TTN: variants seen among roughly 807,000 people sequenced by gnomAD.
TTN encodes connectin.
Under a neutral mutation model 3,223.0 loss-of-function variants are expected in TTN, and 1,525 were observed. That is an observed-to-expected ratio of 0.47 (90% CI 0.45 to 0.49). TTN has a LOEUF of 0.49. Among genes scored for constraint, TTN ranks in the 20% least tolerant of loss-of-function variants. The pLI is 0.00. For synonymous variants in TTN, 14,094 were observed against 15,161.0 expected, an observed-to-expected ratio of 0.93 and a Z score of 5.17; for missense variants, 40,786 against 43,424.0, an observed-to-expected ratio of 0.94 and a Z score of 5.40.
Position 178,535,967 on chromosome 2 carries a change from T to C in TTN, c.100765+15A>G. 6.6e-7 allele frequency: 1 copy of C among 1,523,650 alleles called. No individual in the cohort carries two copies. Among genetic ancestry groups the C allele is most frequent in the South Asian group, 1.3e-5 (1 of 74,242 alleles). The allele number at this position is 1,523,650 out of a possible 1,614,324, so 94.4% of individuals were successfully genotyped here. ...TCATTTAGCCTCAACTTGATGATAA[T>C]TTATTTATTTTTACCTTCCACTTCC... On this transcript the variant is annotated intron_variant, in intron 357 of 362. Transcript: ENST00000589042.
chr2:178,693,629 C>T lies in TTN; in HGVS notation c.31574G>A (p.Arg10525Lys), dbSNP rs2073002014. 6.3e-7 allele frequency: 1 copy of T among 1,598,808 alleles called. No homozygotes were observed. The highest frequency in any genetic ancestry group is 8.5e-7 in the Non-Finnish European group (1 of 1,169,692). ...AATACCTTTAGGTGGTGGTTCAACCCTTTTGGAAATGGCAACGTGAATTTT... is the reference window on the plus strand; with the variant it reads ...AATACCTTTAGGTGGTGGTTCAACCTTTTTGGAAATGGCAACGTGAATTTT... ...EEKIHVAISK[R>K]VEPPPKVPEL... is the part of the protein sequence containing the mutation. Residue 10525 changes from arginine to lysine, a missense_variant, in exon 119 of 363, where the codon AGG (arginine) becomes AAG (lysine). By Grantham distance (26) the Arg-to-Lys change is conservative. Transcript: ENST00000589042.
In TTN at chr2:178,604,800, T is replaced by C; in HGVS notation, c.54289A>G (p.Ile18097Val). The C allele has an allele frequency of 1.9e-6, 3 of 1,612,498 alleles. No homozygotes were observed. Among genetic ancestry groups the C allele is most frequent in the Non-Finnish European group, 2.5e-6 (3 of 1,179,058 alleles). Residue 18097 changes from isoleucine to valine, a missense_variant, in exon 281 of 363, where the codon ATC (isoleucine) becomes GTC (valine). Physicochemically the swap from Ile to Val is conservative, Grantham distance 29 (BLOSUM62 3). Transcript: ENST00000589042. The part of the protein sequence containing the change: ...DAPLDNGGSE[I>V]THYVIDKRDA... ...CGTTTGTCAATAACATAATGGGTGA[T>C]TTCACTGCCACCATTATCAAGAGGG...
At chr2:178,682,093 A>G (rs1577350782) in intron 135 of TTN, among the ~76,000 whole-genome samples, 1 of 151,990 alleles carries the variant, frequency 6.6e-6, no homozygotes, top group Non-Finnish European at 1.5e-5. Flanking sequence ...GTGAAATAAG[A>G]TTGATTCATT....
At position 178,792,085 on chromosome 2, in the gene TTN, A is replaced by T; in HGVS notation, c.1649T>A (p.Val550Glu). ...AATCAGACTTACTGCTTCTTGAGTT[A>T]CTTGTTTCTGTTTCTTAGTAATTTC... is the stretch of plus-strand genomic sequence containing the variant. ...SEEITKKQKQ[V>E]TQEAIRQETE... The change falls in exon 10 of 363, where the codon GTA (valine) becomes GAA (glutamate). Residue 550 changes from valine (V) to glutamate (E), a missense_variant. Val to Glu is a moderately radical substitution (Grantham distance 121, BLOSUM62 -2). Coordinates refer to ENST00000589042, the MANE Select transcript of TTN (RefSeq NM_001267550.2). The T allele has an allele frequency of 1.2e-6, 2 of 1,612,452 alleles. No homozygotes were observed. Among genetic ancestry groups the T allele is most frequent in the Non-Finnish European group, 8.5e-7 (1 of 1,179,222 alleles).
intron 250 of TTN, chr2:178,619,058 G>C: frequency 1.5e-6 from 1 of 654,986 alleles, no homozygotes; most frequent in Non-Finnish European, 2.5e-6. Flanking sequence ...GAGAGTAGAG[G>C]ATTGAGAATG....
chr2:178,785,747 A>T lies in TTN; in HGVS notation c.2371-5T>A, dbSNP rs1320842106. On this transcript the variant is annotated splice_region_variant and splice_polypyrimidine_tract_variant and intron_variant, in intron 14 of 362. Transcript: ENST00000589042. ...TAGATCTGTAGTTTTCTTGATCTGC[A>T]TTGAAATGAAACTCAGTGATACCAT... The T allele has an allele frequency of 6.2e-7, 1 of 1,614,192 alleles. No individual in the cohort carries two copies. The highest frequency in any genetic ancestry group is 1.7e-5 in the Admixed American group (1 of 60,018).
chr2:178,560,508 T>A lies in TTN; in HGVS notation c.85624A>T (p.Ile28542Leu), dbSNP rs554841820. The A allele has an allele frequency of 2.5e-6, 4 of 1,613,092 alleles. No homozygotes were observed. The East Asian group carries it at 8.9e-5, about 36-fold the overall frequency. Residue 28542 changes from isoleucine to leucine, a missense_variant, in exon 326 of 363, where the codon ATA becomes TTA. Transcript: ENST00000589042. ...ACTGTAAATGGATCTAGTGCCTTTA[T>A]AGCTACACTCTCTAGGGGCTCACCA... ...GVGEPLESVA[I>L]KALDPFTVPS...
Position 178,587,592 on chromosome 2 carries a change from A to C in TTN, c.63717T>G (p.Asp21239Glu). 1 of 1,612,602 alleles carries C rather than the reference A, an allele frequency of 6.2e-7. No homozygotes were observed. Among genetic ancestry groups the C allele is most frequent in the Non-Finnish European group, 8.5e-7 (1 of 1,179,340 alleles). Residue 21239 changes from aspartate to glutamate, a missense_variant, in exon 306 of 363, where the codon GAT becomes GAG. By Grantham distance (45) the Asp-to-Glu change is conservative. Coordinates refer to ENST00000589042, the MANE Select transcript of TTN (RefSeq NM_001267550.2). ...AFLVIPNSTRDDSGKYSLTLV... is the reference protein window; with the variant it reads ...AFLVIPNSTREDSGKYSLTLV... The stretch of plus-strand genomic sequence containing the variant: ...GTGTTAAGGAATATTTTCCTGAGTC[A>C]TCACGGGTAGAATTGGGGATGACAA...
Position 178,651,657 on chromosome 2 carries a change from G to A in TTN, c.39463+9C>T, listed in dbSNP as rs373482203. On this transcript the variant is annotated intron_variant, in intron 206 of 362. Transcript: ENST00000589042. ...TTTTTGTTAGGGAGTTAGTGGCAGT[G>A]AGGAATACCTTTCACTGGTGGTAGT... The A allele has an allele frequency of 9.3e-6, 15 of 1,613,076 alleles. No individual in the cohort carries two copies. In the African/African-American group the frequency reaches 1.9e-4, roughly 20 times the overall value.
At chr2:178,712,256 A>C in intron 95 of TTN, 34 bp from the exon 96 acceptor site, 1 of 1,609,938 alleles carries the variant, frequency 6.2e-7, no homozygotes, top group Non-Finnish European at 8.5e-7. Flanking sequence ...TCAGTCATGA[A>C]GGAGACATGC....
At chr2:178,749,093 G>C in intron 47 of TTN, 1 of 1,612,844 alleles carries the variant, frequency 6.2e-7, no homozygotes, top group Non-Finnish European at 8.5e-7. Context: ...AATGGCAGAT[G>C]AATCTTTTGT....
chr2:178,755,811 A>T (rs1316429243), intron 46 of TTN, among the ~76,000 whole-genome samples: 1 of 152,202 alleles, frequency 6.6e-6, no homozygotes, highest in African/African-American at 2.4e-5. Context: ...TAAAGAGGAG[A>T]TAAGAATTGT....
chr2:178,750,454 C>T (rs748714213), intron 47 of TTN: 8 of 1,612,682 alleles, frequency 5.0e-6, no homozygotes, highest in Admixed American at 1.7e-5. Context: ...GTGGGATTGG[C>T]ATGTCATTGT....
chr2:178,640,874 C>T (rs2061154515), intron 220 of TTN, among the ~76,000 whole-genome samples: 1 of 151,812 alleles, frequency 6.6e-6, no homozygotes, highest in African/African-American at 2.4e-5. Flanking sequence ...TAATAGTTCC[C>T]AATAATTTTG....
Position 178,536,414 on chromosome 2 carries a change from C to T in TTN, c.100333G>A (p.Glu33445Lys), listed in dbSNP as rs774013465. ...KQNKWISVTT[E>K]EIRETVFSVK... The stretch of plus-strand genomic sequence containing the variant: ...GAAAAGACAGTTTCTCGAATTTCTT[C>T]TGTTGTCACAGAAATCCATTTATTC... Residue 33445 changes from glutamate (E) to lysine (K), a missense_variant, in exon 357 of 363, where the codon GAA becomes AAA. Coordinates refer to ENST00000589042, the MANE Select transcript of TTN (RefSeq NM_001267550.2). 8.1e-6 allele frequency: 13 copies of T among 1,613,586 alleles called. No homozygotes were observed. The South Asian group carries it at 1.3e-4, about 16-fold the overall frequency.
Position 178,707,759 on chromosome 2 carries a change from T to C in TTN, c.28808A>G (p.Glu9603Gly). Residue 9603 changes from glutamate to glycine, a missense_variant, in exon 100 of 363, where the codon GAA becomes GGA. By Grantham distance (98) the Glu-to-Gly change is moderately conservative. Coordinates refer to ENST00000589042, the MANE Select transcript of TTN (RefSeq NM_001267550.2). ...GCAGCTGAGCTGCACGTATTCTCCT[T>C]CACTCACTGTTACTGGAGTAAGGTG... ...DQHLTPVTVS[E>G]GEYVQLSCHV... 1 of 1,613,868 alleles carries C rather than the reference T, an allele frequency of 6.2e-7. No individual in the cohort carries two copies. Among genetic ancestry groups the C allele is most frequent in the East Asian group, 2.2e-5 (1 of 44,890 alleles).
At position 178,607,508 on chromosome 2, in the gene TTN, G is replaced by C. The variant is rs369262757; in HGVS notation, c.53180C>G (p.Ser17727Cys). The change falls in exon 277 of 363, where the codon TCT becomes TGT. Residue 17727 changes from serine (S) to cysteine (C), a missense_variant. Transcript: ENST00000589042. ...CAGTGCATCCTTGATAATTAGTTCAGATTTGGTTCCAACGTTGTCTATTAC... is the reference window on the plus strand; with the variant it reads ...CAGTGCATCCTTGATAATTAGTTCACATTTGGTTCCAACGTTGTCTATTAC... ...RVVIDNVGTK[S>C]ELIIKDALRK... The C allele has an allele frequency of 1.6e-5, 26 of 1,613,236 alleles. No homozygotes were observed. The highest frequency in any genetic ancestry group is 2.2e-5 in the East Asian group (1 of 44,812).
Position 178,619,645 on chromosome 2 carries a change from CTTCT to C in TTN, c.46668_46671del (p.Glu15557ProfsTer28). 2 of 1,611,894 alleles carry C rather than the reference CTTCT, an allele frequency of 1.2e-6. No homozygotes were observed. The highest frequency in any genetic ancestry group is 1.7e-6 in the Non-Finnish European group (2 of 1,178,706). ...CCTGCCAGTTCAAGCTTAGCTCTGGCTTCTTTGTCTTTGGCAATAAATCTGTATT... is the reference window on the plus strand; with the variant it reads ...CCTGCCAGTTCAAGCTTAGCTCTGGCTTGTCTTTGGCAATAAATCTGTATT... On this transcript the variant is annotated frameshift_variant, in exon 250 of 363. Transcript: ENST00000589042. LOFTEE classifies it high-confidence loss of function.
chr2:178,560,848 A>G lies in TTN; in HGVS notation c.85284T>C (p.Tyr28428=), dbSNP rs755188195. 5.6e-6 allele frequency: 9 copies of G among 1,613,728 alleles called. No individual in the cohort carries two copies. In the East Asian group the frequency reaches 6.7e-5, roughly 12 times the overall value. Residue 28428 remains tyrosine (Y), a synonymous_variant, in exon 326 of 363, where the codon TAT becomes TAC. Transcript: ENST00000589042. ...KDCIRRDTGQ[Y]VLTLKNVAGT... Reference sequence around the variant, plus strand: ...CGGCAACATTCTTCAGTGTTAGTACATATTGCCCAGTGTCTCGTCTTATAC... The same window carrying G: ...CGGCAACATTCTTCAGTGTTAGTACGTATTGCCCAGTGTCTCGTCTTATAC...
Sources: gnomAD v4.1 joint callset for allele counts (sites outside exome capture counted in the v4.1 genomes callset) on GRCh38, gnomAD v4.1.1 for gene constraint, MANE v1.5 for transcripts, NCBI Gene and HGNC (gene_info 2026-07-23, HGNC 2026-07-21) for gene names.